Variants in STX5 observed in about 807,000 individuals in gnomAD.
STX5 encodes the protein syntaxin-5.
Under a neutral mutation model 42.9 loss-of-function variants are expected in STX5, and 15 were observed. The ratio of observed to expected loss-of-function variants is 0.35; its 90% CI spans 0.23 to 0.54. The LOEUF (loss-of-function observed/expected upper bound fraction) is 0.54, where lower values mean the gene tolerates loss of function less well. Among genes scored for constraint, STX5 ranks in the 20% least tolerant of loss-of-function variants. The probability of loss-of-function intolerance (pLI) is 0.91; values close to 1 mark genes in which losing one functional copy is unlikely to be tolerated. For synonymous variants in STX5, 184 were observed against 173.2 expected (o/e 1.06, Z -0.49); for missense variants, 430 against 455.0 (o/e 0.95, Z 0.50).
At chr11:62,819,893 G>T (rs571111936) in intron 10 of STX5, among the ~76,000 whole-genome samples, 18 of 149,528 alleles carry the variant, frequency 1.2e-4, no homozygotes, top group South Asian at 8.5e-4. Context: ...GTTGAGATGC[G>T]GTTTCACCAT....
At chr11:62,808,916 G>A (rs879401279) in intron 10 of STX5, among the ~76,000 whole-genome samples, 1 of 152,164 alleles carries the variant, frequency 6.6e-6, no homozygotes, top group Non-Finnish European at 1.5e-5. Context: ...AAGGCCCACT[G>A]AAGACACACA....
chr11:62,828,087 C>CT lies in STX5; in HGVS notation c.226-457dup, dbSNP rs1339831265. On this transcript the variant is annotated intron_variant, in intron 2 of 10. Coordinates refer to ENST00000294179, the MANE Select transcript of STX5 (RefSeq NM_003164.5). ...TCTTGGAGATCATACAGAAGAGCAG[C>CT]TTTACCATGAGCTGAAAAACACTTC... 1.1e-4 allele frequency among the ~76,000 whole-genome samples: 17 copies of CT among 151,070 alleles called. No individual in the cohort carries two copies. The East Asian group carries it at 2.5e-3, about 22-fold the overall frequency.
chr11:62,813,675 G>C (rs778154177), intron 10 of STX5, among the ~76,000 whole-genome samples: 4 of 152,128 alleles, frequency 2.6e-5, no homozygotes, highest in Non-Finnish European at 5.9e-5. Context: ...AATCAGGGTT[G>C]GACCCTGCTA....
chr11:62,813,365 C>CAT (rs1342413682), intron 10 of STX5, among the ~76,000 whole-genome samples: 2 of 152,130 alleles, frequency 1.3e-5, no homozygotes, highest in African/African-American at 4.8e-5. Flanking sequence ...TGGTGCTCAA[C>CAT]ATATAGTAGT....
At chr11:62,822,341 C>T (rs1271943426) in intron 10 of STX5, among the ~76,000 whole-genome samples, 3 of 151,974 alleles carry the variant, frequency 2.0e-5, no homozygotes, top group Non-Finnish European at 2.9e-5. Context: ...CCAGCCTGGG[C>T]GACACAGCAA....
intron 10 of STX5, among the ~76,000 whole-genome samples, chr11:62,812,467 AGTGGCGT>A: frequency 6.6e-6 from 1 of 151,048 alleles, no homozygotes; most frequent in Non-Finnish European, 1.5e-5. Context: ...GTTGGAGTGC[AGTGGCGT>A]GTGGCGTGAT....
intron 10 of STX5, among the ~76,000 whole-genome samples, chr11:62,821,727 T>C (rs2084742583): frequency 6.7e-6 from 1 of 149,268 alleles, no homozygotes; most frequent in Admixed American, 6.7e-5. Flanking sequence ...AGTAAATAAA[T>C]AAATAAAAAT....
At chr11:62,810,103 CAAAAAAAA>C (rs11405544) in intron 10 of STX5, among the ~76,000 whole-genome samples, 3 of 97,616 alleles carry the variant, frequency 3.1e-5, no homozygotes, top group African/African-American at 1.1e-4. Context: ...GACTCCATCT[CAAAAAAAA>C]AAAAAAAAAA....
At position 62,827,545 on chromosome 11, in the gene STX5, GCTT is replaced by G; in HGVS notation, c.296+13_296+15del. On this transcript the variant is annotated intron_variant, in intron 3 of 10. Coordinates refer to ENST00000294179, the MANE Select transcript of STX5 (RefSeq NM_003164.5). ...AGACACTGTATCACCCCACCAGAAA[GCTT>G]CTCTCAACTCACTTGGCCATGAGGG... is the stretch of plus-strand genomic sequence containing the variant. 3 of 1,614,188 alleles carry G rather than the reference GCTT, an allele frequency of 1.9e-6. No individual in the cohort carries two copies. Among genetic ancestry groups the G allele is most frequent in the Non-Finnish European group, 2.5e-6 (3 of 1,180,028 alleles).
rs186361178 is a variant in STX5, at chr11:62,820,806, G to A, written c.908+3360C>T. On this transcript the variant is annotated intron_variant, in intron 10 of 10. Transcript: ENST00000294179. ...ATTACAGGCGTGAGCCACTGCACCCGGCACTATTTTCTATTTTTCGTTCCT... is the reference window on the plus strand; with the variant it reads ...ATTACAGGCGTGAGCCACTGCACCCAGCACTATTTTCTATTTTTCGTTCCT... Among the ~76,000 whole-genome samples, 26 of 151,678 alleles carry A rather than the reference G, an allele frequency of 1.7e-4. No homozygotes were observed. The East Asian group carries it at 1.8e-3, about 10-fold the overall frequency.
At chr11:62,808,468 T>C (rs567739808) in intron 10 of STX5, among the ~76,000 whole-genome samples, 22 of 149,602 alleles carry the variant, frequency 1.5e-4, no homozygotes, top group African/African-American at 5.4e-4. Flanking sequence ...AAAAGGTATA[T>C]GGACCCTAGT....
chr11:62,826,658 G>A (rs1251355593), intron 5 of STX5, among the ~76,000 whole-genome samples: 1 of 152,058 alleles, frequency 6.6e-6, no homozygotes, highest in Non-Finnish European at 1.5e-5. Context: ...GGAGGCCAAG[G>A]TGGGCGGCTC....
At position 62,825,037 on chromosome 11, in the gene STX5, C is replaced by A; in HGVS notation, c.678G>T (p.Leu226=). The change falls in exon 8 of 11, where the codon CTG becomes CTT. Residue 226 remains leucine (L), a splice_region_variant and synonymous_variant. Coordinates refer to ENST00000294179, the MANE Select transcript of STX5 (RefSeq NM_003164.5). ...VSALPLAPNH[L]GGGAVVLGAE... The stretch of plus-strand genomic sequence containing the variant: ...CTCCCCGTTTTACCTGTGACTTACC[C>A]AGGTGGTTAGGGGCAAGGGGCAGGG... 1.2e-6 allele frequency: 2 copies of A among 1,613,896 alleles called. No homozygotes were observed. The highest frequency in any genetic ancestry group is 1.7e-6 in the Non-Finnish European group (2 of 1,180,002).
intron 10 of STX5, among the ~76,000 whole-genome samples, chr11:62,811,658 CTTT>C (rs1280875296): frequency 1.4e-5 from 2 of 143,076 alleles, no homozygotes; most frequent in Non-Finnish European, 3.1e-5. Flanking sequence ...TCTCTCATCC[CTTT>C]TTTTTTTTTT....
chr11:62,831,386 C>A, intron 1 of STX5, 124 bp from the exon 2 acceptor site: 1 of 752,492 alleles, frequency 1.3e-6, no homozygotes, highest in Non-Finnish European at 2.3e-6. Flanking sequence ...GCCCAGGACG[C>A]TCGCAAATCC....
Position 62,825,974 on chromosome 11 carries a change from C to T in STX5, c.424-435G>A, listed in dbSNP as rs547681839. Among the ~76,000 whole-genome samples the T allele has an allele frequency of 3.9e-5, 6 of 152,252 alleles. No homozygotes were observed. The South Asian group carries it at 8.3e-4, about 21-fold the overall frequency. ...ATCAACAGAACTATTTTCATACACA[C>T]AATTCCTCAATGGCTAATGTCTGTA... On this transcript the variant is annotated intron_variant, in intron 5 of 10. Transcript: ENST00000294179.
chr11:62,808,361 G>A (rs1410245564), intron 10 of STX5, among the ~76,000 whole-genome samples: 1 of 151,828 alleles, frequency 6.6e-6, no homozygotes, highest in Non-Finnish European at 1.5e-5. Context: ...AGGAGGTTGA[G>A]GAGCTTGATG....
chr11:62,827,309 T>G, intron 4 of STX5, 34 bp downstream of exon 4: 1 of 1,614,178 alleles, frequency 6.2e-7, no homozygotes, highest in East Asian at 2.2e-5. Flanking sequence ...TTTGATTTAC[T>G]GCCCCACTTC....
rs2084560113 is a variant in STX5, at chr11:62,807,174, TA to T, written c.*294del. 3.9e-6 allele frequency: 1 copy of T among 254,862 alleles called. No individual in the cohort carries two copies. The highest frequency in any genetic ancestry group is 4.8e-5 in the Admixed American group (1 of 20,760). The allele number at this position is 254,862 out of a possible 1,614,324, so 15.8% of individuals were successfully genotyped here. A position where few individuals can be genotyped will look rare whatever the true frequency, so the allele number is the denominator to read the frequency against. On this transcript the variant is annotated 3_prime_UTR_variant, in exon 11 of 11. Transcript: ENST00000294179. ...CTGGAGAGGGTTTATAAAAATCTCC[TA>T]GTGGAAACAACCTCCCCCACTGGCC... is the stretch of plus-strand genomic sequence containing the variant.
Sources: allele counts gnomAD v4.1 joint callset (sites outside exome capture counted in the v4.1 genomes callset), GRCh38; gene constraint gnomAD v4.1.1; transcripts MANE v1.5; gene names NCBI Gene and HGNC (gene_info 2026-07-23, HGNC 2026-07-21).